Variants in EXOC6B observed in about 807,000 individuals in gnomAD.
The protein encoded by EXOC6B is SEC15 homolog B.
EXOC6B carries 54 observed loss-of-function variants against 113.5 expected under a neutral mutation model. That is an observed-to-expected ratio of 0.48 (90% CI 0.38 to 0.60). The LOEUF (loss-of-function observed/expected upper bound fraction) is 0.60, where lower values mean the gene tolerates loss of function less well. EXOC6B is among the 20% of genes least tolerant of loss of function. The pLI, the probability that EXOC6B is intolerant of heterozygous loss-of-function variation, is 0.00. For missense variants in EXOC6B, 797 were observed against 977.5 expected, an observed-to-expected ratio of 0.82 and a Z score of 2.46; for synonymous variants, 357 against 339.0, an observed-to-expected ratio of 1.05 and a Z score of -0.58.
intron 10 of EXOC6B, among the ~76,000 whole-genome samples, chr2:72,513,737 A>G (rs1701066657): frequency 6.6e-6 from 1 of 152,042 alleles, no homozygotes; most frequent in African/African-American, 2.4e-5. Context: ...CTCTATCATC[A>G]AAGTCTTGAA....
intron 6 of EXOC6B, among the ~76,000 whole-genome samples, chr2:72,657,118 T>C (rs1034070422): frequency 1.3e-5 from 2 of 152,094 alleles, no homozygotes; most frequent in Admixed American, 6.6e-5. Context: ...CCCAAAGTGC[T>C]GGGATTACAG....
chr2:72,759,813 G>C (rs1287116600), intron 1 of EXOC6B, among the ~76,000 whole-genome samples: 1 of 152,140 alleles, frequency 6.6e-6, no homozygotes, highest in African/African-American at 2.4e-5. Flanking sequence ...CCAGGAAATA[G>C]AAAAAGCCAC....
chr2:72,801,088 C>A (rs748373272), intron 1 of EXOC6B, among the ~76,000 whole-genome samples: 2 of 152,142 alleles, frequency 1.3e-5, no homozygotes, highest in African/African-American at 4.8e-5. Flanking sequence ...GTGACAGATA[C>A]AAAAGTTCAG....
At chr2:72,759,542 C>T (rs1682622157) in intron 1 of EXOC6B, among the ~76,000 whole-genome samples, 1 of 152,150 alleles carries the variant, frequency 6.6e-6, no homozygotes, top group South Asian at 2.1e-4. Flanking sequence ...GGGACAATGA[C>T]TTTGCCATTT....
At chr2:72,740,932 C>T (rs1429309456) in intron 2 of EXOC6B, among the ~76,000 whole-genome samples, 4 of 152,038 alleles carry the variant, frequency 2.6e-5, no homozygotes, top group Admixed American at 2.6e-4. Flanking sequence ...GAAACCCCGT[C>T]TCTACTAAAA....
intron 18 of EXOC6B, among the ~76,000 whole-genome samples, chr2:72,418,687 C>T (rs1694682366): frequency 6.6e-6 from 1 of 152,068 alleles, no homozygotes; most frequent in Admixed American, 6.5e-5. Flanking sequence ...TACTTTGAAC[C>T]TGTTTGTGTC....
chr2:72,266,557 A>T lies in EXOC6B; in HGVS notation c.2196+68390T>A, dbSNP rs879747279. ...TTTTCTCAGGTTTGTCAAAGATCAG[A>T]TAGTTGTAGATATGCGGTGTTATTT... On this transcript the variant is annotated intron_variant, in intron 20 of 21. Transcript: ENST00000272427. 1.8e-3 allele frequency among the ~76,000 whole-genome samples: 278 copies of T among 151,966 alleles called. 1 individual carries two copies. Among genetic ancestry groups the T allele is most frequent in the Middle Eastern group, 3.4e-3 (1 of 292 alleles).
At chr2:72,716,756 A>T (rs1487735840) in intron 6 of EXOC6B, among the ~76,000 whole-genome samples, 1 of 152,102 alleles carries the variant, frequency 6.6e-6, no homozygotes, top group African/African-American at 2.4e-5. Context: ...AAGGAATGAG[A>T]CCAGCTGGCC....
chr2:72,251,277 T>C (rs566532837), intron 20 of EXOC6B, among the ~76,000 whole-genome samples: 3 of 152,320 alleles, frequency 2.0e-5, no homozygotes, highest in Middle Eastern at 3.4e-3. Context: ...GCAAAGTGTA[T>C]ACAGGAATTT....
intron 6 of EXOC6B, among the ~76,000 whole-genome samples, chr2:72,650,520 G>C (rs1674083312): frequency 1.3e-5 from 2 of 151,954 alleles, no homozygotes; most frequent in Admixed American, 1.3e-4. Context: ...AGAATCACTT[G>C]AACCCGGGAG....
intron 6 of EXOC6B, among the ~76,000 whole-genome samples, chr2:72,695,097 A>G (rs1374428452): frequency 6.6e-6 from 1 of 152,228 alleles, no homozygotes; most frequent in Non-Finnish European, 1.5e-5. Flanking sequence ...GAGAGGTTAC[A>G]GGGTCAAAGC....
chr2:72,246,293 A>C (rs767214632), intron 20 of EXOC6B, among the ~76,000 whole-genome samples: 12 of 152,044 alleles, frequency 7.9e-5, no homozygotes, highest in Non-Finnish European at 1.5e-4. Context: ...TGCTTCCCTA[A>C]CACTTTATAT....
intron 1 of EXOC6B, among the ~76,000 whole-genome samples, chr2:72,804,720 CG>C (rs1685484745): frequency 6.6e-6 from 1 of 151,874 alleles, no homozygotes; most frequent in Non-Finnish European, 1.5e-5. Context: ...CTCAGCCTCC[CG>C]AGTAGCTGGG....
At chr2:72,411,858 G>C (rs913893893) in intron 18 of EXOC6B, among the ~76,000 whole-genome samples, 3 of 152,098 alleles carry the variant, frequency 2.0e-5, no homozygotes, top group African/African-American at 7.2e-5. Flanking sequence ...AGGAGATAGA[G>C]TCTAAAGTTC....
At chr2:72,784,767 G>T (rs185607186) in intron 1 of EXOC6B, among the ~76,000 whole-genome samples, 280 of 152,272 alleles carry the variant, frequency 1.8e-3, no homozygotes, top group African/African-American at 6.5e-3. Flanking sequence ...AGATTTGGGT[G>T]GGGACACAGC....
intron 1 of EXOC6B, among the ~76,000 whole-genome samples, chr2:72,743,479 C>A (rs1487392035): frequency 6.6e-6 from 1 of 152,054 alleles, no homozygotes; most frequent in Non-Finnish European, 1.5e-5. Context: ...CTCTTCCCGC[C>A]TCAAGAATTT....
intron 5 of EXOC6B, among the ~76,000 whole-genome samples, chr2:72,719,239 A>G (rs914627460): frequency 2.0e-5 from 3 of 152,220 alleles, no homozygotes; most frequent in Non-Finnish European, 2.9e-5. Context: ...CAAAAAACTC[A>G]TATTGAGAGA....
intron 17 of EXOC6B, among the ~76,000 whole-genome samples, chr2:72,466,640 C>T (rs753295736): frequency 2.6e-5 from 4 of 152,014 alleles, no homozygotes; most frequent in African/African-American, 7.2e-5. Context: ...GTGAACAATG[C>T]TTTATAAAAT....
At chr2:72,459,892 C>T (rs371454624) in intron 18 of EXOC6B, among the ~76,000 whole-genome samples, 11 of 152,058 alleles carry the variant, frequency 7.2e-5, no homozygotes, top group East Asian at 1.9e-4. Context: ...GAGCCCACAT[C>T]GCCAAGTCAA....
Sources: allele counts gnomAD v4.1 joint callset (sites outside exome capture counted in the v4.1 genomes callset), GRCh38; gene constraint gnomAD v4.1.1; transcripts MANE v1.5; gene names NCBI Gene and HGNC (gene_info 2026-07-23, HGNC 2026-07-21).